PRKG1: variants seen among roughly 807,000 people sequenced by gnomAD.
The protein encoded by PRKG1 is protein kinase cGMP-dependent 1.
Under a neutral mutation model 88.1 loss-of-function variants are expected in PRKG1, and 35 were observed. The observed-to-expected ratio is 0.40, with a 90% CI of 0.30 to 0.53. PRKG1 has a LOEUF of 0.53. Among genes scored for constraint, PRKG1 ranks in the 20% least tolerant of loss-of-function variants. The pLI, the probability that PRKG1 is intolerant of heterozygous loss-of-function variation, is 0.59. For synonymous variants in PRKG1, 303 were observed against 292.5 expected (o/e 1.04, Z -0.37); for missense variants, 540 against 839.8 (o/e 0.64, Z 4.41).
chr10:51,641,994 C>A (rs1839812026), intron 3 of PRKG1, among the ~76,000 whole-genome samples: 2 of 152,072 alleles, frequency 1.3e-5, no homozygotes, highest in South Asian at 2.1e-4. Flanking sequence ...GCAGTCCATT[C>A]GTGGTAAATC....
rs147713019 is a variant in PRKG1, at chr10:51,013,775, A to G, written c.266+22131A>G. On this transcript the variant is annotated intron_variant, in intron 1 of 17. Transcript: ENST00000401604. ...CTTATCTTAAGGTTTTGAACATAACATCTACAGCAAAACAAGTTAAGTTAT... is the reference window on the plus strand; with the variant it reads ...CTTATCTTAAGGTTTTGAACATAACGTCTACAGCAAAACAAGTTAAGTTAT... Among the ~76,000 whole-genome samples, 515 of 152,350 alleles carry G rather than the reference A, an allele frequency of 3.4e-3. 1 individual carries two copies. The highest frequency in any genetic ancestry group is 0.012 in the African/African-American group (499 of 41,588).
intron 6 of PRKG1, among the ~76,000 whole-genome samples, chr10:52,057,172 T>G (rs1468099702): frequency 6.6e-6 from 1 of 152,216 alleles, no homozygotes; most frequent in African/African-American, 2.4e-5. Context: ...GCTGCCAAGC[T>G]ACAAATGAAA....
intron 7 of PRKG1, among the ~76,000 whole-genome samples, chr10:52,074,435 A>C (rs966919025): frequency 6.6e-6 from 1 of 152,184 alleles, no homozygotes; most frequent in African/African-American, 2.4e-5. Flanking sequence ...AAATTGAGCT[A>C]CTTATAAAAA....
At chr10:52,085,722 T>C (rs2133312516) in intron 7 of PRKG1, among the ~76,000 whole-genome samples, 1 of 152,262 alleles carries the variant, frequency 6.6e-6, no homozygotes, top group African/African-American at 2.4e-5. Flanking sequence ...ACAATTACAA[T>C]TCACTGGACC....
At chr10:51,156,297 G>GCGCACACACACACACACACACACA (rs1554841311) in intron 2 of PRKG1, among the ~76,000 whole-genome samples, 5 of 35,134 alleles carry the variant, frequency 1.4e-4, no homozygotes, top group African/African-American at 9.1e-4. Flanking sequence ...TTTGATGCAA[G>GCGCACACACACACACACACACACA]CACACACACA....
At chr10:51,049,005 G>A (rs1843525879) in intron 1 of PRKG1, among the ~76,000 whole-genome samples, 1 of 152,054 alleles carries the variant, frequency 6.6e-6, no homozygotes, top group Non-Finnish European at 1.5e-5. Flanking sequence ...TGCCCATTGT[G>A]GGTTTGCTGG....
chr10:51,058,314 ATTATGCC>A (rs1843655331), intron 1 of PRKG1, among the ~76,000 whole-genome samples: 1 of 152,106 alleles, frequency 6.6e-6, no homozygotes, highest in African/African-American at 2.4e-5. Flanking sequence ...GACTGTAGTA[ATTATGCC>A]TTTTTTATTT....
At chr10:52,261,101 C>T (rs1841421945) in intron 10 of PRKG1, among the ~76,000 whole-genome samples, 1 of 151,486 alleles carries the variant, frequency 6.6e-6, no homozygotes, top group Non-Finnish European at 1.5e-5. Context: ...TCTGACTTTC[C>T]TCCAAACTGA....
At chr10:51,423,577 AT>A (rs1267398727) in intron 2 of PRKG1, among the ~76,000 whole-genome samples, 1 of 152,110 alleles carries the variant, frequency 6.6e-6, no homozygotes, top group Non-Finnish European at 1.5e-5. Flanking sequence ...AAGGGATTGA[AT>A]TTATTTTTCA....
intron 4 of PRKG1, among the ~76,000 whole-genome samples, chr10:51,810,523 C>T (rs1416171736): frequency 6.6e-6 from 1 of 152,118 alleles, no homozygotes; most frequent in African/African-American, 2.4e-5. Flanking sequence ...AAAATCCTGC[C>T]AGATTTTAGT....
At chr10:51,573,425 T>C (rs375081728) in intron 3 of PRKG1, among the ~76,000 whole-genome samples, 3 of 151,910 alleles carry the variant, frequency 2.0e-5, no homozygotes, top group Admixed American at 6.6e-5. Context: ...TTTTGGTTGG[T>C]TTAAATGGGT....
intron 2 of PRKG1, among the ~76,000 whole-genome samples, chr10:51,434,210 G>A (rs775693714): frequency 2.6e-5 from 4 of 152,056 alleles, no homozygotes; most frequent in Non-Finnish European, 2.9e-5. Context: ...AAGGCAGTGC[G>A]CCTTCAAATC....
intron 2 of PRKG1, among the ~76,000 whole-genome samples, chr10:51,222,133 A>T (rs374075083): frequency 2.7e-5 from 1 of 36,542 alleles, no homozygotes; most frequent in African/African-American, 1.1e-4. Flanking sequence ...CCCCCCCCCG[A>T]CCCCAGCCTC....
chr10:51,698,187 C>T, intron 3 of PRKG1: 1 of 1,614,164 alleles, frequency 6.2e-7, no homozygotes, highest in Non-Finnish European at 8.5e-7. Context: ...AATCCTCTTG[C>T]ATCCATGCCC....
At chr10:51,154,318 G>A (rs1484178058) in intron 2 of PRKG1, among the ~76,000 whole-genome samples, 3 of 151,882 alleles carry the variant, frequency 2.0e-5, no homozygotes, top group African/African-American at 7.2e-5. Context: ...AGACATTTTT[G>A]GTTGTCACAA....
intron 2 of PRKG1, among the ~76,000 whole-genome samples, chr10:51,261,779 T>C (rs1440782534): frequency 6.6e-6 from 1 of 152,074 alleles, no homozygotes; most frequent in Non-Finnish European, 1.5e-5. Context: ...AAGGTGGGGA[T>C]TGTTGCAAAC....
chr10:52,054,882 C>T (rs1013421508), intron 6 of PRKG1, among the ~76,000 whole-genome samples: 2 of 152,106 alleles, frequency 1.3e-5, no homozygotes, highest in Non-Finnish European at 2.9e-5. Flanking sequence ...TGCCTGTAAC[C>T]TCAGCACTTT....
chr10:51,043,897 G>A (rs919206921), intron 1 of PRKG1, among the ~76,000 whole-genome samples: 1 of 152,130 alleles, frequency 6.6e-6, no homozygotes, highest in African/African-American at 2.4e-5. Flanking sequence ...GTCCCGTGAT[G>A]GGACTGCTCA....
chr10:51,722,253 T>G (rs1319123952), intron 3 of PRKG1, among the ~76,000 whole-genome samples: 1 of 151,758 alleles, frequency 6.6e-6, no homozygotes, highest in African/African-American at 2.4e-5. Flanking sequence ...AACAACATAG[T>G]TTTCAATTAT....
Sources: allele counts gnomAD v4.1 joint callset (sites outside exome capture counted in the v4.1 genomes callset), GRCh38; gene constraint gnomAD v4.1.1; transcripts MANE v1.5; gene names NCBI Gene and HGNC (gene_info 2026-07-23, HGNC 2026-07-21).